CERKL: variants seen among roughly 807,000 people sequenced by gnomAD.
CERKL encodes the protein ceramide kinase-like protein.
A neutral mutation model predicts 63.4 loss-of-function variants in CERKL; 61 were observed. The observed-to-expected ratio is 0.96, with a 90% confidence interval of 0.78 to 1.19. The LOEUF (loss-of-function observed/expected upper bound fraction) is 1.19, where lower values mean the gene tolerates loss of function less well. Ranked by LOEUF, CERKL falls within the 50% of genes most tolerant of loss-of-function variation. The probability of loss-of-function intolerance (pLI) is 0.00; values close to 1 mark genes in which losing one functional copy is unlikely to be tolerated. For missense variants in CERKL, 675 were observed against 655.5 expected (o/e 1.03, Z -0.33); for synonymous variants, 250 against 230.5 (o/e 1.08, Z -0.77).
chr2:181,583,116 C>T lies in CERKL; in HGVS notation c.482-9232G>A, dbSNP rs183091282. On this transcript the variant is annotated intron_variant, in intron 2 of 12. Transcript: ENST00000410087. ...CTGGGTAATCAAATAACCCCAGTTGCGAAGTAACATCCATTTAAAAATAAA... is the reference window on the plus strand; with the variant it reads ...CTGGGTAATCAAATAACCCCAGTTGTGAAGTAACATCCATTTAAAAATAAA... 4.4e-3 allele frequency among the ~76,000 whole-genome samples: 655 copies of T among 149,968 alleles called. 5 individuals carry two copies. Among genetic ancestry groups the T allele is most frequent in the Non-Finnish European group, 6.2e-3 (422 of 67,700 alleles).
intron 4 of CERKL, among the ~76,000 whole-genome samples, chr2:181,562,292 C>A (rs566549619): frequency 2.0e-5 from 3 of 152,158 alleles, no homozygotes; most frequent in Non-Finnish European, 4.4e-5. Flanking sequence ...CCAATGAATA[C>A]CCTACATTTA....
intron 1 of CERKL, among the ~76,000 whole-genome samples, chr2:181,628,558 T>C (rs1023383283): frequency 2.0e-5 from 3 of 152,156 alleles, no homozygotes; most frequent in Non-Finnish European, 4.4e-5. Flanking sequence ...TCAGTATCAA[T>C]ACACATATTA....
intron 2 of CERKL, among the ~76,000 whole-genome samples, chr2:181,593,974 A>G (rs547067162): frequency 8.5e-5 from 13 of 152,216 alleles, no homozygotes; most frequent in African/African-American, 2.4e-4. Context: ...CCAATCTCTC[A>G]GAGTGCTGAT....
intron 10 of CERKL, among the ~76,000 whole-genome samples, chr2:181,546,074 T>C (rs188660208): frequency 6.6e-6 from 1 of 152,188 alleles, no homozygotes; most frequent in African/African-American, 2.4e-5. Flanking sequence ...CTCTGAAAAA[T>C]CTCCGGTCAA....
chr2:181,572,795 T>G (rs545459552), intron 3 of CERKL, among the ~76,000 whole-genome samples: 161 of 149,726 alleles, frequency 1.1e-3, no homozygotes, highest in African/African-American at 3.7e-3. Context: ...TTTTTTTTTT[T>G]GAACTTTCTT....
At chr2:181,656,729 G>C (rs1280631418) in intron 1 of CERKL, 40 bp downstream of exon 1, 1 of 1,502,058 alleles carries the variant, frequency 6.7e-7, no homozygotes, top group African/African-American at 1.4e-5. Flanking sequence ...GAGGGAGGAA[G>C]CGCGGAGGGA....
chr2:181,546,763 TATAAG>T (rs71407804), intron 10 of CERKL, among the ~76,000 whole-genome samples: 15,312 of 152,218 alleles, frequency 0.1, 1,028 homozygotes, highest in East Asian at 0.25. Flanking sequence ...AAAAGATATA[TATAAG>T]ATGTCTCATA....
chr2:181,626,026 T>C, intron 1 of CERKL, among the ~76,000 whole-genome samples: 1 of 152,224 alleles, frequency 6.6e-6, no homozygotes, highest in Non-Finnish European at 1.5e-5. Context: ...TGATCCCATT[T>C]TACAGATTGT....
At chr2:181,637,683 C>T (rs192908977) in intron 1 of CERKL, among the ~76,000 whole-genome samples, 26 of 152,118 alleles carry the variant, frequency 1.7e-4, no homozygotes, top group African/African-American at 5.1e-4. Context: ...AGCTATACTT[C>T]CTAGAATATA....
At chr2:181,655,302 G>A (rs1688109835) in intron 1 of CERKL, among the ~76,000 whole-genome samples, 1 of 152,100 alleles carries the variant, frequency 6.6e-6, no homozygotes, top group Non-Finnish European at 1.5e-5. Flanking sequence ...CACAAATACT[G>A]CAACATTGGT....
intron 1 of CERKL, among the ~76,000 whole-genome samples, chr2:181,610,923 C>T (rs1435152288): frequency 6.6e-6 from 1 of 152,068 alleles, no homozygotes; most frequent in African/African-American, 2.4e-5. Context: ...CACAATTTAG[C>T]TAAAATAATA....
intron 11 of CERKL, among the ~76,000 whole-genome samples, chr2:181,544,266 T>TCTA (rs1687631909): frequency 6.6e-6 from 1 of 152,230 alleles, no homozygotes; most frequent in Admixed American, 6.5e-5. Flanking sequence ...TATCTACAGA[T>TCTA]CTATTTCAAT....
intron 5 of CERKL, among the ~76,000 whole-genome samples, chr2:181,556,211 C>CTT (rs2105816053): frequency 6.6e-6 from 1 of 151,272 alleles, no homozygotes; most frequent in East Asian, 1.9e-4. Context: ...CCTAATTTTC[C>CTT]TTTATATATA....
At chr2:181,622,032 CAG>C (rs1686478001) in intron 1 of CERKL, among the ~76,000 whole-genome samples, 3 of 152,108 alleles carry the variant, frequency 2.0e-5, no homozygotes, top group Admixed American at 6.5e-5. Context: ...TTATAAAGGA[CAG>C]AGTCAAAAAT....
chr2:181,551,260 G>A (rs186071780), intron 5 of CERKL, among the ~76,000 whole-genome samples: 56 of 152,130 alleles, frequency 3.7e-4, no homozygotes, highest in Middle Eastern at 3.4e-3. Context: ...TAAGTTGCAG[G>A]ACACAAAATC....
At chr2:181,643,878 G>A (rs2105519526) in intron 1 of CERKL, among the ~76,000 whole-genome samples, 1 of 152,202 alleles carries the variant, frequency 6.6e-6, no homozygotes, top group Non-Finnish European at 1.5e-5. Context: ...ATTCACACAG[G>A]ACAGTAAACA....
chr2:181,609,282 T>G (rs1685854149), intron 1 of CERKL, among the ~76,000 whole-genome samples: 1 of 122,486 alleles, frequency 8.2e-6, no homozygotes, highest in Non-Finnish European at 1.6e-5. Flanking sequence ...TAACTACTTA[T>G]AATAGAACTT....
intron 1 of CERKL, among the ~76,000 whole-genome samples, chr2:181,651,547 C>T (rs1687939103): frequency 6.6e-6 from 1 of 152,068 alleles, no homozygotes; most frequent in African/African-American, 2.4e-5. Flanking sequence ...ATGACAAATC[C>T]ACAGCTAACA....
At chr2:181,609,596 C>T (rs910530197) in intron 1 of CERKL, among the ~76,000 whole-genome samples, 1 of 147,890 alleles carries the variant, frequency 6.8e-6, no homozygotes, top group African/African-American at 2.5e-5. Flanking sequence ...ATCCCAGCTA[C>T]TCAAGAGGTT....
Sources: gnomAD v4.1 joint callset for allele counts (sites outside exome capture counted in the v4.1 genomes callset) on GRCh38, gnomAD v4.1.1 for gene constraint, MANE v1.5 for transcripts, NCBI Gene and HGNC (gene_info 2026-07-23, HGNC 2026-07-21) for gene names.